Variants in CPEB4 observed in about 807,000 individuals in gnomAD.
CPEB4 encodes cytoplasmic polyadenylation element binding protein 4, also known as cytoplasmic polyadenylation element-binding protein 4.
Under a neutral mutation model 72.5 loss-of-function variants are expected in CPEB4, and 12 were observed. That is an observed-to-expected ratio of 0.17 (90% CI 0.11 to 0.27). The LOEUF (loss-of-function observed/expected upper bound fraction) is 0.27, where lower values mean the gene tolerates loss of function less well. Among genes scored for constraint, CPEB4 ranks in the 10% least tolerant of loss-of-function variants. The probability of loss-of-function intolerance (pLI) is 1.00; values close to 1 mark genes in which losing one functional copy is unlikely to be tolerated. For missense variants in CPEB4, 614 were observed against 908.5 expected (o/e 0.68, Z 4.17); for synonymous variants, 302 against 326.3 (o/e 0.93, Z 0.80).
At chr5:173,928,931 T>C (rs1757343569) in intron 2 of CPEB4, among the ~76,000 whole-genome samples, 2 of 152,264 alleles carry the variant, frequency 1.3e-5, no homozygotes, top group Non-Finnish European at 2.9e-5. Context: ...ATGTCACTTA[T>C]GTTAAAATTT....
At chr5:173,921,759 T>C (rs903825695) in intron 2 of CPEB4, among the ~76,000 whole-genome samples, 6 of 152,222 alleles carry the variant, frequency 3.9e-5, no homozygotes, top group African/African-American at 1.4e-4. Flanking sequence ...CCTCCACAAA[T>C]ATTTGAACAT....
At chr5:173,934,605 A>G (rs1416903487) in intron 3 of CPEB4, among the ~76,000 whole-genome samples, 1 of 152,164 alleles carries the variant, frequency 6.6e-6, no homozygotes, top group Non-Finnish European at 1.5e-5. Flanking sequence ...GTCAGATTTG[A>G]TGAAGGATTA....
intron 2 of CPEB4, among the ~76,000 whole-genome samples, chr5:173,931,850 C>A (rs1757457674): frequency 6.6e-6 from 1 of 152,068 alleles, no homozygotes; most frequent in African/African-American, 2.4e-5. Flanking sequence ...TCTTGGGTGC[C>A]CATTTTAGTT....
At chr5:173,951,313 T>TAA (rs77822827) in intron 7 of CPEB4, among the ~76,000 whole-genome samples, 2 of 151,490 alleles carry the variant, frequency 1.3e-5, no homozygotes, top group African/African-American at 2.4e-5. Flanking sequence ...GTATTTGTCA[T>TAA]AAAAAAAAAT....
intron 8 of CPEB4, among the ~76,000 whole-genome samples, 175 bp downstream of exon 8, chr5:173,952,113 A>C (rs1758234201): frequency 6.6e-6 from 1 of 152,158 alleles, no homozygotes; most frequent in African/African-American, 2.4e-5. Context: ...GACAAATTCC[A>C]TGACTTTTCT....
chr5:173,891,534 A>G (rs539709330), intron 1 of CPEB4: 21 of 152,158 alleles, frequency 1.4e-4, no homozygotes, highest in Non-Finnish European at 2.6e-4. Flanking sequence ...TCTCAGAGTG[A>G]CTCTTTATGC....
rs920071594 is a variant in CPEB4, at chr5:173,944,878, T to C, written c.1283-89T>C. On this transcript the variant is annotated intron_variant, in intron 4 of 9. Transcript: ENST00000265085. The stretch of plus-strand genomic sequence containing the variant: ...GAGAAAAATAAAAGCAGCAGTTTTA[T>C]TGAATCTGCTGTTTCCTTGTTTCTT... 4.5e-6 allele frequency: 5 copies of C among 1,108,158 alleles called. No individual in the cohort carries two copies. The African/African-American group carries it at 6.3e-5, about 14-fold the overall frequency. The allele number at this position is 1,108,158 out of a possible 1,614,324, so 68.6% of individuals were successfully genotyped here. A position where few individuals can be genotyped will look rare whatever the true frequency, so the allele number is the denominator to read the frequency against.
At position 173,951,940 on chromosome 5, in the gene CPEB4, T is replaced by TA; in HGVS notation, c.1780+3dup. The TA allele has an allele frequency of 6.3e-7, 1 of 1,591,610 alleles. No homozygotes were observed. ...GTGTTCCTCGACCATTACGAGCTGG[T>TA]ATGATTAAACAAACGACAAACTCTC... On this transcript the variant is annotated splice_region_variant and intron_variant, in intron 8 of 9. Coordinates refer to ENST00000265085, the MANE Select transcript of CPEB4 (RefSeq NM_030627.4).
intron 1 of CPEB4, among the ~76,000 whole-genome samples, chr5:173,898,389 A>G (rs1040034352): frequency 3.9e-5 from 6 of 152,130 alleles, no homozygotes; most frequent in African/African-American, 9.7e-5. Context: ...TTAGAAAACT[A>G]TCTCAGTTAA....
intron 1 of CPEB4, among the ~76,000 whole-genome samples, chr5:173,895,486 C>T (rs1755973221): frequency 1.3e-5 from 2 of 152,200 alleles, no homozygotes. Context: ...TCTAGATCCT[C>T]AAAATTATAT....
At chr5:173,921,604 A>G (rs764863906) in intron 2 of CPEB4, among the ~76,000 whole-genome samples, 11 of 152,142 alleles carry the variant, frequency 7.2e-5, no homozygotes, top group Non-Finnish European at 1.6e-4. Context: ...GCCAGGGGGT[A>G]GAGGGAGCCA....
chr5:173,891,611 A>C (rs1755815179), intron 1 of CPEB4: 1 of 152,210 alleles, frequency 6.6e-6, no homozygotes, highest in Non-Finnish European at 1.5e-5. Context: ...CATTCCTAAA[A>C]ATAGATCCAG....
chr5:173,890,625 T>C lies in CPEB4; in HGVS notation c.892T>C (p.Ser298Pro), dbSNP rs1194119233. Residue 298 changes from serine (S) to proline (P), a missense_variant, in exon 1 of 10, where the codon TCC (serine) becomes CCC (proline). Transcript: ENST00000265085. Reference protein sequence around the residue: ...YQSPSPTPSSSWSPGGGGYGG... With the variant: ...YQSPSPTPSSPWSPGGGGYGG... ...GAGTCCGTCACCAACACCCTCCTCT[T>C]CCTGGAGCCCGGGCGGTGGTGGATA... 6.2e-7 allele frequency: 1 copy of C among 1,613,814 alleles called. No individual in the cohort carries two copies. Among genetic ancestry groups the C allele is most frequent in the Non-Finnish European group, 8.5e-7 (1 of 1,179,942 alleles).
rs756038672 is a variant in CPEB4, at chr5:173,951,943, G to T, written c.1780+5G>T. The T allele has an allele frequency of 1.3e-6, 2 of 1,581,234 alleles. No individual in the cohort carries two copies. The highest frequency in any genetic ancestry group is 2.2e-5 in the South Asian group (2 of 90,408). On this transcript the variant is annotated splice_donor_5th_base_variant and intron_variant, in intron 8 of 9. Coordinates refer to ENST00000265085, the MANE Select transcript of CPEB4 (RefSeq NM_030627.4). ...TTCCTCGACCATTACGAGCTGGTAT[G>T]ATTAAACAAACGACAAACTCTCTAC...
chr5:173,936,316 A>G (rs985939328), intron 3 of CPEB4, among the ~76,000 whole-genome samples: 4 of 152,190 alleles, frequency 2.6e-5, no homozygotes, highest in Non-Finnish European at 4.4e-5. Flanking sequence ...GTGTTGCCAC[A>G]TGGTTTTCCA....
At position 173,960,192 on chromosome 5, in the gene CPEB4, G is replaced by A. The variant is rs1259979906; in HGVS notation, c.*4055G>A. The A allele has an allele frequency of 6.6e-6, 1 of 152,584 alleles. No individual in the cohort carries two copies. Among genetic ancestry groups the A allele is most frequent in the Non-Finnish European group, 1.5e-5 (1 of 68,012 alleles). 9.5% of individuals were successfully genotyped at this position (152,584 alleles called of 1,614,324 possible). A position where few individuals can be genotyped will look rare whatever the true frequency, so the allele number is the denominator to read the frequency against. Reference sequence around the variant, plus strand: ...TTTTTAAAAGAGTTCATTTGTTGAAGTGCTAGTGAAAAATTAATGTTATTA... The same window carrying A: ...TTTTTAAAAGAGTTCATTTGTTGAAATGCTAGTGAAAAATTAATGTTATTA... On this transcript the variant is annotated 3_prime_UTR_variant, in exon 10 of 10. Transcript: ENST00000265085.
Position 173,943,645 on chromosome 5 carries a change from G to A in CPEB4, c.1282+596G>A, listed in dbSNP as rs565467002. ...TGGCACCTATATTTTGCCTTTTTAC[G>A]AGAAAGTAAGACAGTTAAATAGCTT... On this transcript the variant is annotated intron_variant, in intron 4 of 9. Transcript: ENST00000265085. Among the ~76,000 whole-genome samples, 15 of 152,172 alleles carry A rather than the reference G, an allele frequency of 9.9e-5. No individual in the cohort carries two copies. The South Asian group carries it at 1.5e-3, about 15-fold the overall frequency.
intron 1 of CPEB4, among the ~76,000 whole-genome samples, chr5:173,906,459 G>A (rs1264600807): frequency 6.6e-6 from 1 of 152,164 alleles, no homozygotes; most frequent in Non-Finnish European, 1.5e-5. Context: ...AATTACCAAA[G>A]CATCATAAAC....
chr5:173,888,462 GGAA>G lies in CPEB4; in HGVS notation c.-1267_-1265del. Reference sequence around the variant, plus strand: ...CGGCGACAGCAGAGGAGGAAGAGGAGGAAGAAGGAAAGAAAAAGAAGAACCAGG... The same window carrying G: ...CGGCGACAGCAGAGGAGGAAGAGGAGGAAGGAAAGAAAAAGAAGAACCAGG... On this transcript the variant is annotated 5_prime_UTR_variant, in exon 1 of 10. Transcript: ENST00000265085. The surrounding 1 kb of genome is among the most constrained non-coding windows in gnomAD (Gnocchi z 4.3). 2.3e-6 allele frequency: 1 copy of G among 438,906 alleles called. No homozygotes were observed. The highest frequency in any genetic ancestry group is 4.0e-6 in the Non-Finnish European group (1 of 252,688). 27.2% of individuals were successfully genotyped at this position (438,906 alleles called of 1,614,324 possible).
Sources: allele counts gnomAD v4.1 joint callset (sites outside exome capture counted in the v4.1 genomes callset), GRCh38; gene constraint gnomAD v4.1.1; non-coding constraint Gnocchi (gnomAD v3.1); transcripts MANE v1.5; gene names NCBI Gene and HGNC (gene_info 2026-07-23, HGNC 2026-07-21).